The following ANKRD33B variants were observed in gnomAD, a reference collection of about 807,000 sequenced individuals.
The protein encoded by ANKRD33B is ankyrin repeat domain 33B.
ANKRD33B carries 6 observed loss-of-function variants against 21.5 expected under a neutral mutation model. The ratio of observed to expected loss-of-function variants is 0.28; its 90% CI spans 0.15 to 0.55. The LOEUF (loss-of-function observed/expected upper bound fraction) is 0.55, where lower values mean the gene tolerates loss of function less well. Among genes scored for constraint, ANKRD33B ranks in the 20% least tolerant of loss-of-function variants. The probability of loss-of-function intolerance (pLI) is 0.94; values close to 1 mark genes in which losing one functional copy is unlikely to be tolerated. For missense variants in ANKRD33B, 698 were observed against 747.2 expected (o/e 0.93, Z 0.77); for synonymous variants, 347 against 342.4 (o/e 1.01, Z -0.15).
At chr5:10,597,582 C>T (rs1344675136) in intron 1 of ANKRD33B, among the ~76,000 whole-genome samples, 1 of 152,150 alleles carries the variant, frequency 6.6e-6, no homozygotes, top group East Asian at 1.9e-4. Context: ...GACTCCCACA[C>T]AATAATAATG....
chr5:10,645,688 C>T (rs1273735742), intron 3 of ANKRD33B, among the ~76,000 whole-genome samples: 1 of 152,188 alleles, frequency 6.6e-6, no homozygotes, highest in Non-Finnish European at 1.5e-5. Flanking sequence ...ACGAGAATCA[C>T]CCAATATGTG....
At chr5:10,642,100 T>G (rs1456725575) in intron 3 of ANKRD33B, among the ~76,000 whole-genome samples, 1 of 152,214 alleles carries the variant, frequency 6.6e-6, no homozygotes, top group Non-Finnish European at 1.5e-5. Flanking sequence ...ACTTTCCCAT[T>G]GAATTAATTT....
At chr5:10,584,894 G>A (rs1283487897) in intron 1 of ANKRD33B, among the ~76,000 whole-genome samples, 1 of 152,234 alleles carries the variant, frequency 6.6e-6, no homozygotes, top group Non-Finnish European at 1.5e-5. Flanking sequence ...CGTCCTCGTT[G>A]AGGAAGGAAC....
chr5:10,567,391 A>G (rs1277479233), intron 1 of ANKRD33B, among the ~76,000 whole-genome samples: 1 of 152,268 alleles, frequency 6.6e-6, no homozygotes, highest in Admixed American at 6.5e-5. Flanking sequence ...CAGACTCAAA[A>G]CTGAATCTGG....
chr5:10,635,951 C>T (rs1214058241), intron 2 of ANKRD33B, among the ~76,000 whole-genome samples: 1 of 152,244 alleles, frequency 6.6e-6, no homozygotes, highest in Non-Finnish European at 1.5e-5. Context: ...GAGGCTGCTG[C>T]AGCGTCATGC....
At chr5:10,621,242 C>CA (rs1560977024) in intron 2 of ANKRD33B, among the ~76,000 whole-genome samples, 1 of 152,136 alleles carries the variant, frequency 6.6e-6, no homozygotes, top group South Asian at 2.1e-4. Flanking sequence ...CCAGCTGTAT[C>CA]TTCAAGGAAT....
Position 10,642,686 on chromosome 5 carries a change from C to T in ANKRD33B, c.637+4518C>T, listed in dbSNP as rs185675706. Among the ~76,000 whole-genome samples the T allele has an allele frequency of 2.9e-4, 44 of 152,270 alleles. No homozygotes were observed. The East Asian group carries it at 6.2e-3, about 21-fold the overall frequency. ...TGCATGCTGGGCTTGGAGAAGCCTT[C>T]GGACATGTTGGTTGTGATTATTGTT... On this transcript the variant is annotated intron_variant, in intron 3 of 3. Transcript: ENST00000296657.
chr5:10,647,510 G>C (rs1737215055), intron 3 of ANKRD33B, among the ~76,000 whole-genome samples: 1 of 152,244 alleles, frequency 6.6e-6, no homozygotes, highest in Non-Finnish European at 1.5e-5. Flanking sequence ...AATTTATGCA[G>C]ATTTCATCAA....
chr5:10,598,024 T>C (rs1216081974), intron 1 of ANKRD33B, among the ~76,000 whole-genome samples: 2 of 152,148 alleles, frequency 1.3e-5, no homozygotes, highest in African/African-American at 2.4e-5. Flanking sequence ...TTCTGAGGGG[T>C]TGGAGTCAGA....
intron 3 of ANKRD33B, among the ~76,000 whole-genome samples, chr5:10,644,276 T>C (rs550101868): frequency 9.8e-5 from 15 of 152,350 alleles, no homozygotes; most frequent in Admixed American, 9.8e-4. Context: ...TAAGGAGTAA[T>C]GCAGGCTCTG....
At chr5:10,628,611 G>A (rs1736634796) in intron 2 of ANKRD33B, among the ~76,000 whole-genome samples, 1 of 152,138 alleles carries the variant, frequency 6.6e-6, no homozygotes. Flanking sequence ...CTCTCTGCTG[G>A]GATTACAGGC....
rs1232904607 is a variant in ANKRD33B at position 10,657,479 on chromosome 5, A to T, written c.*7366A>T. 6.6e-6 allele frequency: 1 copy of T among 152,306 alleles called. No homozygotes were observed. Among genetic ancestry groups the T allele is most frequent in the Non-Finnish European group, 1.5e-5 (1 of 68,032 alleles). The allele number at this position is 152,306 out of a possible 1,614,324, so 9.4% of individuals were successfully genotyped here. ...TCCAGTAGGTTTCTGGATATTGTAAAGATACTGAGTACAGATATAACTGTG... is the reference window on the plus strand; with the variant it reads ...TCCAGTAGGTTTCTGGATATTGTAATGATACTGAGTACAGATATAACTGTG... On this transcript the variant is annotated 3_prime_UTR_variant, in exon 4 of 4. Transcript: ENST00000296657.
chr5:10,569,460 G>A (rs1246951473), intron 1 of ANKRD33B, among the ~76,000 whole-genome samples: 1 of 152,154 alleles, frequency 6.6e-6, no homozygotes, highest in Non-Finnish European at 1.5e-5. Context: ...GGCAGGCATG[G>A]TGGTGGACGC....
chr5:10,571,399 G>A (rs535992140), intron 1 of ANKRD33B, among the ~76,000 whole-genome samples: 11 of 152,050 alleles, frequency 7.2e-5, no homozygotes, highest in Admixed American at 4.6e-4. Flanking sequence ...ATGGAGTTTC[G>A]CCATGTTGGC....
At chr5:10,634,292 C>G (rs115966036) in intron 2 of ANKRD33B, among the ~76,000 whole-genome samples, 1,662 of 152,226 alleles carry the variant, frequency 0.011, 19 homozygotes, top group Admixed American at 0.017. Context: ...TTCACTTCCT[C>G]CCTGGGTCAC....
Position 10,637,425 on chromosome 5 carries a change from GACACACACACACAC to G in ANKRD33B, c.497-578_497-565del, listed in dbSNP as rs59222148. Among the ~76,000 whole-genome samples the G allele has an allele frequency of 6.0e-5, 6 of 100,392 alleles. No individual in the cohort carries two copies. In the East Asian group the frequency reaches 1.1e-3, roughly 19 times the overall value. 65.9% of individuals were successfully genotyped at this position (100,392 alleles called of 152,430 possible). Reference sequence around the variant, plus strand: ...GGATGTGTGTGGGCGTAGGTAGTTAGACACACACACACACACACACACACACACACACACACACG... The same window carrying G: ...GGATGTGTGTGGGCGTAGGTAGTTAGACACACACACACACACACACACACG... On this transcript the variant is annotated intron_variant, in intron 2 of 3. Transcript: ENST00000296657.
rs879904066 is a variant in ANKRD33B at position 10,619,747 on chromosome 5, G to A, written c.496+1285G>A. Among the ~76,000 whole-genome samples, 3 of 152,148 alleles carry A rather than the reference G, an allele frequency of 2.0e-5. No individual in the cohort carries two copies. The highest frequency in any genetic ancestry group is 1.3e-4 in the Admixed American group (2 of 15,268). On this transcript the variant is annotated intron_variant, in intron 2 of 3. Transcript: ENST00000296657. The surrounding 1 kb of genome is among the most constrained non-coding windows in gnomAD (Gnocchi z 4.5). ...GGCTTTGTAAGGCATTCAGTGATTC[G>A]TTTCCTCTCGTGGGCCAGCTGCCAT...
At chr5:10,577,461 C>T (rs1248211124) in intron 1 of ANKRD33B, among the ~76,000 whole-genome samples, 1 of 152,156 alleles carries the variant, frequency 6.6e-6, no homozygotes, top group Non-Finnish European at 1.5e-5. Context: ...CTGCAAAGAC[C>T]CCTGGAGTCG....
chr5:10,605,780 C>T (rs1342255504), intron 1 of ANKRD33B, among the ~76,000 whole-genome samples: 8 of 152,196 alleles, frequency 5.3e-5, no homozygotes, highest in Non-Finnish European at 8.8e-5. Context: ...CCGCCTGCCT[C>T]AACCTCCCAA....
Sources: gnomAD v4.1 joint callset for allele counts (sites outside exome capture counted in the v4.1 genomes callset) on GRCh38, gnomAD v4.1.1 for gene constraint, Gnocchi (gnomAD v3.1) non-coding constraint, MANE v1.5 for transcripts, NCBI Gene and HGNC (gene_info 2026-07-23, HGNC 2026-07-21) for gene names.